NXPH2: variants seen among roughly 807,000 people sequenced by gnomAD.
The protein encoded by NXPH2 is neurexophilin 2.
Under a neutral mutation model 19.8 loss-of-function variants are expected in NXPH2, and 5 were observed. That is an observed-to-expected ratio of 0.25 (90% confidence interval 0.13 to 0.53). NXPH2 has a LOEUF of 0.53. Ranked by LOEUF, NXPH2 falls within the 20% of genes least tolerant of loss-of-function variation. The probability of loss-of-function intolerance (pLI) is 0.96; values close to 1 mark genes in which losing one functional copy is unlikely to be tolerated. For synonymous variants in NXPH2, 154 were observed against 127.4 expected, an observed-to-expected ratio of 1.21 and a Z score of -1.41; for missense variants, 289 against 322.8, an observed-to-expected ratio of 0.90 and a Z score of 0.80.
chr2:138,757,929 A>G (rs529541521), intron 1 of NXPH2, among the ~76,000 whole-genome samples: 1 of 152,024 alleles, frequency 6.6e-6, no homozygotes, highest in East Asian at 1.9e-4. Context: ...ATTTTCTACC[A>G]AAGTCACGTT....
At chr2:138,692,151 T>C (rs1680756371) in intron 1 of NXPH2, among the ~76,000 whole-genome samples, 2 of 152,150 alleles carry the variant, frequency 1.3e-5, no homozygotes, top group South Asian at 4.1e-4. Context: ...GTCATTCTGA[T>C]TTAAGGAGCT....
chr2:138,682,076 G>A (rs1232297808), intron 1 of NXPH2, among the ~76,000 whole-genome samples: 2 of 152,050 alleles, frequency 1.3e-5, no homozygotes, highest in Admixed American at 6.6e-5. Context: ...AGATTGCTTT[G>A]ACAGTACTGT....
intron 1 of NXPH2, among the ~76,000 whole-genome samples, chr2:138,702,121 T>C (rs149574378): frequency 6.6e-6 from 1 of 152,208 alleles, no homozygotes; most frequent in African/African-American, 2.4e-5. Context: ...TCCTTTCTCT[T>C]TCCTTCTTTC....
intron 1 of NXPH2, among the ~76,000 whole-genome samples, chr2:138,757,989 T>C (rs990751913): frequency 1.3e-5 from 2 of 152,092 alleles, no homozygotes; most frequent in East Asian, 1.9e-4. Flanking sequence ...GATGTGGCTT[T>C]CAACAAGCTC....
chr2:138,691,234 A>G (rs959454723), intron 1 of NXPH2, among the ~76,000 whole-genome samples: 1 of 152,206 alleles, frequency 6.6e-6, no homozygotes, highest in Non-Finnish European at 1.5e-5. Context: ...TTCTATTCCA[A>G]CTGCAAAATT....
intron 1 of NXPH2, among the ~76,000 whole-genome samples, chr2:138,756,032 C>T (rs2104836118): frequency 6.6e-6 from 1 of 152,046 alleles, no homozygotes. Context: ...GAGACCTTGC[C>T]ATACTCACTT....
chr2:138,735,383 G>T (rs1038619748), intron 1 of NXPH2, among the ~76,000 whole-genome samples: 1 of 152,176 alleles, frequency 6.6e-6, no homozygotes, highest in Non-Finnish European at 1.5e-5. Context: ...GGAGGAGCAA[G>T]TCATATCTTA....
At chr2:138,699,124 A>G (rs913746265) in intron 1 of NXPH2, among the ~76,000 whole-genome samples, 3 of 152,342 alleles carry the variant, frequency 2.0e-5, no homozygotes, top group Middle Eastern at 3.4e-3. Context: ...CACATACACA[A>G]CATAAAGCAA....
chr2:138,681,967 G>A (rs1205146458), intron 1 of NXPH2, among the ~76,000 whole-genome samples: 1 of 152,070 alleles, frequency 6.6e-6, no homozygotes, highest in Non-Finnish European at 1.5e-5. Flanking sequence ...CAATCTAGAG[G>A]TGGCTTACAG....
chr2:138,708,320 T>C (rs1681047649), intron 1 of NXPH2, among the ~76,000 whole-genome samples: 1 of 152,216 alleles, frequency 6.6e-6, no homozygotes, highest in South Asian at 2.1e-4. Flanking sequence ...TGAGTATCAA[T>C]GAATTAAGAT....
At chr2:138,673,121 A>G (rs1680436671) in intron 1 of NXPH2, among the ~76,000 whole-genome samples, 1 of 152,152 alleles carries the variant, frequency 6.6e-6, no homozygotes, top group African/African-American at 2.4e-5. Flanking sequence ...TTCTTGGAAG[A>G]TTTTCTTCCG....
rs1680402305 is a variant in NXPH2 at position 138,670,835 on chromosome 2, G to T, written c.*87C>A. On this transcript the variant is annotated 3_prime_UTR_variant, in exon 2 of 2. Coordinates refer to ENST00000272641, the MANE Select transcript of NXPH2 (RefSeq NM_007226.3). The stretch of plus-strand genomic sequence containing the variant: ...ATTGTTCACTGCCAGAAACAAAAGG[G>T]ATCCTTTATCATAAAGAGCTGGGCT... 1 of 1,388,388 alleles carries T rather than the reference G, an allele frequency of 7.2e-7. No individual in the cohort carries two copies. The allele number at this position is 1,388,388 out of a possible 1,614,324, so 86.0% of individuals were successfully genotyped here.
chr2:138,674,399 C>T (rs895198726), intron 1 of NXPH2, among the ~76,000 whole-genome samples: 1 of 152,116 alleles, frequency 6.6e-6, no homozygotes, highest in Admixed American at 6.5e-5. Flanking sequence ...AGTGATCTGC[C>T]TGCCTTGGCC....
At chr2:138,743,203 A>G (rs760259725) in intron 1 of NXPH2, among the ~76,000 whole-genome samples, 21 of 152,242 alleles carry the variant, frequency 1.4e-4, no homozygotes, top group Admixed American at 5.9e-4. Flanking sequence ...ATGGATTTAC[A>G]TATACCACAA....
At chr2:138,750,394 G>A (rs1017684504) in intron 1 of NXPH2, among the ~76,000 whole-genome samples, 1 of 151,834 alleles carries the variant, frequency 6.6e-6, no homozygotes, top group Admixed American at 6.6e-5. Flanking sequence ...GCAAATGAAG[G>A]ATTAAGTAAT....
In NXPH2 at chr2:138,772,037, G is replaced by T. The variant is rs560651495; in HGVS notation, c.51+8154C>A. Among the ~76,000 whole-genome samples, 32 of 152,214 alleles carry T rather than the reference G, an allele frequency of 2.1e-4. 1 individual carries two copies. In the South Asian group the frequency reaches 6.6e-3, roughly 32 times the overall value. ...ACAAGTCTGGGCACCTACTAGACAG[G>T]TTCCCTCACCCACCTGCTTGTCCTC... On this transcript the variant is annotated intron_variant, in intron 1 of 1. Transcript: ENST00000272641.
chr2:138,701,110 G>T (rs1680915600), intron 1 of NXPH2, among the ~76,000 whole-genome samples: 1 of 152,172 alleles, frequency 6.6e-6, no homozygotes, highest in African/African-American at 2.4e-5. Flanking sequence ...CCAGGTAACA[G>T]TGCTGTTGTC....
intron 1 of NXPH2, among the ~76,000 whole-genome samples, chr2:138,672,212 A>G (rs1221235453): frequency 6.6e-6 from 1 of 152,210 alleles, no homozygotes; most frequent in Non-Finnish European, 1.5e-5. Flanking sequence ...AAAGCATGTG[A>G]TGAGGATTAG....
At chr2:138,769,579 CCAAA>C (rs1423992545) in intron 1 of NXPH2, among the ~76,000 whole-genome samples, 2 of 152,114 alleles carry the variant, frequency 1.3e-5, no homozygotes, top group African/African-American at 2.4e-5. Flanking sequence ...CAGGCTGTAA[CCAAA>C]CAAAGGCAAA....
Sources: gnomAD v4.1 joint callset for allele counts (sites outside exome capture counted in the v4.1 genomes callset) on GRCh38, gnomAD v4.1.1 for gene constraint, MANE v1.5 for transcripts, NCBI Gene and HGNC (gene_info 2026-07-23, HGNC 2026-07-21) for gene names.